SLAIN2: variants seen among roughly 807,000 people sequenced by gnomAD.
SLAIN2 encodes the protein SLAIN family member 2.
In SLAIN2, 31 loss-of-function variants were observed where a neutral mutation model predicts 56.6. That is an observed-to-expected ratio of 0.55 (90% CI 0.41 to 0.74). SLAIN2 has a LOEUF of 0.74. SLAIN2 is among the 30% of genes least tolerant of loss of function. The pLI is 0.00. For synonymous variants in SLAIN2, 317 were observed against 284.9 expected, an observed-to-expected ratio of 1.11 and a Z score of -1.13; for missense variants, 777 against 754.2, an observed-to-expected ratio of 1.03 and a Z score of -0.35.
intron 6 of SLAIN2, among the ~76,000 whole-genome samples, chr4:48,384,599 G>C (rs980457489): frequency 6.6e-6 from 1 of 152,104 alleles, no homozygotes; most frequent in Non-Finnish European, 1.5e-5. Flanking sequence ...AAACAGAGAA[G>C]GTGAATTTTA....
chr4:48,407,940 T>G (rs1021459937), intron 6 of SLAIN2, among the ~76,000 whole-genome samples: 7 of 152,220 alleles, frequency 4.6e-5, no homozygotes, highest in African/African-American at 1.7e-4. Context: ...ATAAATGGAA[T>G]TATACAATAT....
Position 48,422,226 on chromosome 4 carries a change from G to A in SLAIN2, c.*149G>A. 1 of 608,980 alleles carries A rather than the reference G, an allele frequency of 1.6e-6. No individual in the cohort carries two copies. Among genetic ancestry groups the A allele is most frequent in the Non-Finnish European group, 2.9e-6 (1 of 343,396 alleles). 37.7% of individuals were successfully genotyped at this position (608,980 alleles called of 1,614,324 possible). On this transcript the variant is annotated 3_prime_UTR_variant, in exon 8 of 8. Transcript: ENST00000264313. ...CTGTCTTAATTAGCACAAACCGACA[G>A]AGATCATCAAACAGCACTTTAATGA...
intron 1 of SLAIN2, among the ~76,000 whole-genome samples, chr4:48,349,851 G>A (rs1278943101): frequency 6.6e-6 from 1 of 152,118 alleles, no homozygotes; most frequent in African/African-American, 2.4e-5. Context: ...TGCCATAGGT[G>A]GAGCACTGTG....
At chr4:48,356,182 AACATGTTCTATGGGT>A (rs1715148925) in intron 1 of SLAIN2, among the ~76,000 whole-genome samples, 1 of 152,216 alleles carries the variant, frequency 6.6e-6, no homozygotes, top group African/African-American at 2.4e-5. Flanking sequence ...GCCAGGAACT[AACATGTTCTATGGGT>A]AAGATCCTGT....
chr4:48,369,888 G>T lies in SLAIN2; in HGVS notation c.429G>T (p.Gln143His). 6.2e-7 allele frequency: 1 copy of T among 1,613,600 alleles called. No homozygotes were observed. Among genetic ancestry groups the T allele is most frequent in the Non-Finnish European group, 8.5e-7 (1 of 1,179,680 alleles). The part of the protein sequence containing the change: ...SSPKKKLTPM[Q>H]KSVSPLVWCR... ...CAAAGAAAAAACTTACACCAATGCA[G>T]AAATCGGTTAGTCCATTAGTTTGGT... is the stretch of plus-strand genomic sequence containing the variant. Residue 143 changes from glutamine to histidine, a missense_variant, in exon 2 of 8, where the codon CAG becomes CAT. Coordinates refer to ENST00000264313, the MANE Select transcript of SLAIN2 (RefSeq NM_020846.2).
intron 1 of SLAIN2, among the ~76,000 whole-genome samples, chr4:48,356,217 T>TA (rs1428193981): frequency 6.6e-6 from 1 of 152,200 alleles, no homozygotes; most frequent in Non-Finnish European, 1.5e-5. Context: ...TTTTAGCCAC[T>TA]AAAAAGCAAA....
At chr4:48,376,041 T>C (rs1375642354) in intron 2 of SLAIN2, among the ~76,000 whole-genome samples, 1 of 152,262 alleles carries the variant, frequency 6.6e-6, no homozygotes, top group East Asian at 1.9e-4. Context: ...TGACTCTGCC[T>C]GTGGTACTTG....
chr4:48,355,002 C>T (rs1335577352), intron 1 of SLAIN2, among the ~76,000 whole-genome samples: 1 of 152,044 alleles, frequency 6.6e-6, no homozygotes, highest in Non-Finnish European at 1.5e-5. Context: ...CGATTTCAAG[C>T]GATTCTCCTG....
chr4:48,347,179 G>A (rs1714889791), intron 1 of SLAIN2, among the ~76,000 whole-genome samples: 1 of 152,028 alleles, frequency 6.6e-6, no homozygotes, highest in Non-Finnish European at 1.5e-5. Context: ...ACTGTGGTGT[G>A]CCCATGTTTT....
At chr4:48,368,050 G>GTTTTTTTTTTTTTTTT (rs1466698335) in intron 1 of SLAIN2, among the ~76,000 whole-genome samples, 22 of 28,504 alleles carry the variant, frequency 7.7e-4, no homozygotes, top group African/African-American at 1.8e-3. Flanking sequence ...TGTTTTTGAG[G>GTTTTTTTTTTTTTTTT]CTTTTTTTTT....
At chr4:48,404,294 G>A (rs764701523) in intron 6 of SLAIN2, among the ~76,000 whole-genome samples, 3 of 152,152 alleles carry the variant, frequency 2.0e-5, no homozygotes, top group Non-Finnish European at 4.4e-5. Flanking sequence ...TAGACTACTT[G>A]AAAATGGAGA....
At chr4:48,344,402 A>G (rs1257140989) in intron 1 of SLAIN2, among the ~76,000 whole-genome samples, 1 of 152,132 alleles carries the variant, frequency 6.6e-6, no homozygotes, top group Non-Finnish European at 1.5e-5. Context: ...TTTCATCTAG[A>G]GGAATGTTTC....
At chr4:48,420,920 A>T (rs1472148324) in intron 7 of SLAIN2, among the ~76,000 whole-genome samples, 1 of 152,188 alleles carries the variant, frequency 6.6e-6, no homozygotes, top group Non-Finnish European at 1.5e-5. Flanking sequence ...TGTAAGTTTT[A>T]CCTTCAGAGA....
At chr4:48,384,743 G>A (rs139351128) in intron 6 of SLAIN2, among the ~76,000 whole-genome samples, 1 of 152,070 alleles carries the variant, frequency 6.6e-6, no homozygotes, top group African/African-American at 2.4e-5. Flanking sequence ...TTTTTATTTT[G>A]TGGCAAGTAG....
At chr4:48,383,846 A>G (rs1716035183) in intron 6 of SLAIN2, 62 bp downstream of exon 6, 1 of 1,522,816 alleles carries the variant, frequency 6.6e-7, no homozygotes, top group Non-Finnish European at 8.9e-7. Flanking sequence ...AATTTTAGAT[A>G]TTTGTTTTAT....
intron 1 of SLAIN2, among the ~76,000 whole-genome samples, chr4:48,357,974 C>A (rs1470684098): frequency 6.6e-6 from 1 of 152,214 alleles, no homozygotes; most frequent in Non-Finnish European, 1.5e-5. Context: ...ATTGGAATTA[C>A]AGGTGTGAGC....
At chr4:48,363,709 C>T (rs1715407093) in intron 1 of SLAIN2, among the ~76,000 whole-genome samples, 1 of 123,000 alleles carries the variant, frequency 8.1e-6, no homozygotes, top group Non-Finnish European at 1.8e-5. Context: ...AGAGGCGCCC[C>T]TCACCTCCCA....
intron 2 of SLAIN2, among the ~76,000 whole-genome samples, chr4:48,372,947 A>G (rs1715707897): frequency 6.6e-6 from 1 of 152,054 alleles, no homozygotes; most frequent in Non-Finnish European, 1.5e-5. Flanking sequence ...TAAGTGCTGT[A>G]TTGCAGCAGA....
At chr4:48,410,554 C>G (rs180678404) in intron 6 of SLAIN2, among the ~76,000 whole-genome samples, 24 of 152,304 alleles carry the variant, frequency 1.6e-4, no homozygotes, top group Non-Finnish European at 2.8e-4. Flanking sequence ...CCTGCTCTTG[C>G]CAGACACGAA....
Sources: allele counts gnomAD v4.1 joint callset (sites outside exome capture counted in the v4.1 genomes callset), GRCh38; gene constraint gnomAD v4.1.1; transcripts MANE v1.5; gene names NCBI Gene and HGNC (gene_info 2026-07-23, HGNC 2026-07-21).